Variants in NTRK3 observed in about 807,000 individuals in gnomAD.
NTRK3 encodes NT-3 growth factor receptor.
NTRK3 carries 24 observed loss-of-function variants against 91.7 expected under a neutral mutation model. The ratio of observed to expected loss-of-function variants is 0.26; its 90% CI spans 0.19 to 0.37. The LOEUF is 0.37. Ranked by LOEUF, NTRK3 falls within the 10% of genes least tolerant of loss-of-function variation. The pLI is 1.00. For synonymous variants in NTRK3, 483 were observed against 404.0 expected (o/e 1.20, Z -2.34); for missense variants, 880 against 1,068.9 (o/e 0.82, Z 2.46).
chr15:87,999,990 G>A (rs1210473769), intron 14 of NTRK3, among the ~76,000 whole-genome samples: 1 of 152,202 alleles, frequency 6.6e-6, no homozygotes, highest in Non-Finnish European at 1.5e-5. Context: ...TTAGTGCTAT[G>A]ATAGTGATAC....
intron 14 of NTRK3, among the ~76,000 whole-genome samples, chr15:88,005,786 C>G (rs1397728012): frequency 6.6e-6 from 1 of 152,190 alleles, no homozygotes; most frequent in East Asian, 1.9e-4. Context: ...CTTCAATTTC[C>G]ATAACATTCC....
In NTRK3 at chr15:88,187,036, A is replaced by G. The variant is rs77065064; in HGVS notation, c.249-2737T>C. Among the ~76,000 whole-genome samples the G allele has an allele frequency of 6.0e-4, 92 of 152,344 alleles. 1 individual carries two copies. In the East Asian group the frequency reaches 0.014, roughly 23 times the overall value. On this transcript the variant is annotated intron_variant, in intron 3 of 18. Transcript: ENST00000394480. ...ATGATAAAAAAGAAAACCCCTTTGC[A>G]GTGTGGGGCACATGTAAGTTCTCAG...
At chr15:88,152,069 G>A (rs546444175) in intron 5 of NTRK3, among the ~76,000 whole-genome samples, 2 of 152,318 alleles carry the variant, frequency 1.3e-5, no homozygotes, top group Admixed American at 6.5e-5. Context: ...GGGAGGCTGA[G>A]GCAGGTGGAT....
intron 10 of NTRK3, among the ~76,000 whole-genome samples, chr15:88,132,408 G>A (rs995635561): frequency 2.6e-5 from 4 of 152,116 alleles, no homozygotes; most frequent in African/African-American, 9.7e-5. Flanking sequence ...AGAAATAGAG[G>A]CACAGAGAAG....
chr15:87,915,675 T>C (rs1202280969), intron 17 of NTRK3, among the ~76,000 whole-genome samples: 2 of 152,186 alleles, frequency 1.3e-5, no homozygotes, highest in Admixed American at 1.3e-4. Context: ...AGGGAAAACC[T>C]TGGCTTGTAA....
At chr15:88,245,737 T>C (rs1311852810) in intron 3 of NTRK3, among the ~76,000 whole-genome samples, 1 of 152,166 alleles carries the variant, frequency 6.6e-6, no homozygotes. Context: ...AATCTTATAA[T>C]AGTCCTGCCT....
exon 19 of NTRK3, chr15:87,870,642 C>A (rs1322919190): frequency 4.6e-6 from 1 of 215,078 alleles, no homozygotes; most frequent in Non-Finnish European, 9.4e-6. Flanking sequence ...TCAGAGTACA[C>A]CGTAAGTATT....
At chr15:87,871,999 A>C in exon 19 of NTRK3, 1 of 221,016 alleles carries the variant, frequency 4.5e-6, no homozygotes, top group Non-Finnish European at 9.1e-6. Context: ...GGTATGAAAA[A>C]AGAAAGTGGA....
At chr15:87,979,284 A>G (rs997061056) in intron 14 of NTRK3, 48 of 1,220,220 alleles carry the variant, frequency 3.9e-5, no homozygotes, top group African/African-American at 2.7e-4. Flanking sequence ...AGAGCTTCCA[A>G]CCTCTCAGAG....
chr15:88,146,955 T>A (rs1182846524), intron 6 of NTRK3, among the ~76,000 whole-genome samples: 1 of 152,190 alleles, frequency 6.6e-6, no homozygotes, highest in Non-Finnish European at 1.5e-5. Flanking sequence ...ACTCTTATGA[T>A]GATAAATCTA....
intron 17 of NTRK3, among the ~76,000 whole-genome samples, chr15:87,886,699 T>TATATATATATATATAC (rs1265075771): frequency 1.3e-3 from 175 of 138,456 alleles, no homozygotes; most frequent in African/African-American, 4.5e-3. Flanking sequence ...TATATATATA[T>TATATATATATATATAC]ACATATATAC....
chr15:88,139,154 G>C (rs1022450941), intron 6 of NTRK3, among the ~76,000 whole-genome samples: 4 of 152,172 alleles, frequency 2.6e-5, no homozygotes, highest in Admixed American at 2.6e-4. Flanking sequence ...TTTGATAGGG[G>C]AAGAGTCACC....
rs541348961 is a variant in NTRK3 at position 87,880,040 on chromosome 15, G to A, written c.2292+230C>T. On this transcript the variant is annotated intron_variant, in intron 18 of 18. Transcript: ENST00000394480. ...AGCAGATTTAACAGAGGCATGACTT[G>A]AGTCTCAATTTAGACCTCTGATTTC... 7.9e-5 allele frequency among the ~76,000 whole-genome samples: 12 copies of A among 152,288 alleles called. No individual in the cohort carries two copies. In the South Asian group the frequency reaches 2.3e-3, roughly 29 times the overall value.
At chr15:88,154,520 G>A (rs957506129) in intron 5 of NTRK3, among the ~76,000 whole-genome samples, 3 of 152,184 alleles carry the variant, frequency 2.0e-5, no homozygotes, top group African/African-American at 7.2e-5. Flanking sequence ...GCTGTAAAAT[G>A]GGGTGGGGTT....
chr15:88,237,327 A>G lies in NTRK3; in HGVS notation c.248+18579T>C, dbSNP rs1478413750. Among the ~76,000 whole-genome samples, 1 of 152,160 alleles carries G rather than the reference A, an allele frequency of 6.6e-6. No homozygotes were observed. The highest frequency in any genetic ancestry group is 6.5e-5 in the Admixed American group (1 of 15,282). ...GGGATCCTATGTATTTACATGTCCC[A>G]AAGAAAACAATTCCATAGCCCTATT... On this transcript the variant is annotated intron_variant, in intron 3 of 18. Transcript: ENST00000394480. This position sits in a 1 kb window ranked among gnomAD's most constrained non-coding sequence, Gnocchi z 4.0.
intron 14 of NTRK3, among the ~76,000 whole-genome samples, chr15:88,009,202 A>C (rs1027242134): frequency 6.6e-6 from 1 of 152,214 alleles, no homozygotes; most frequent in Admixed American, 6.5e-5. Flanking sequence ...AATTTTGATG[A>C]TGATGATATT....
At chr15:88,124,143 G>C (rs1001597940) in intron 13 of NTRK3, among the ~76,000 whole-genome samples, 11 of 152,160 alleles carry the variant, frequency 7.2e-5, no homozygotes, top group Non-Finnish European at 1.5e-4. Context: ...AGAGATTCAG[G>C]CTTAATTCTA....
intron 13 of NTRK3, among the ~76,000 whole-genome samples, chr15:88,084,503 G>A (rs1411464050): frequency 1.3e-5 from 2 of 152,206 alleles, no homozygotes; most frequent in Non-Finnish European, 2.9e-5. Flanking sequence ...CTGCAAGCAG[G>A]TTCCTCTGGA....
chr15:88,050,112 A>G (rs2080672602), intron 13 of NTRK3, among the ~76,000 whole-genome samples: 1 of 152,190 alleles, frequency 6.6e-6, no homozygotes, highest in African/African-American at 2.4e-5. Flanking sequence ...TAATGCAGTT[A>G]AGCACCAAGA....
Sources: gnomAD v4.1 joint callset for allele counts (sites outside exome capture counted in the v4.1 genomes callset) on GRCh38, gnomAD v4.1.1 for gene constraint, Gnocchi (gnomAD v3.1) non-coding constraint, MANE v1.5 for transcripts, NCBI Gene and HGNC (gene_info 2026-07-23, HGNC 2026-07-21) for gene names.